The following WTAP variants were observed in gnomAD, a reference collection of about 807,000 sequenced individuals.
WTAP encodes pre-mRNA-splicing regulator WTAP.
A neutral mutation model predicts 50.0 loss-of-function variants in WTAP; 8 were observed. That is an observed-to-expected ratio of 0.16 (90% CI 0.09 to 0.29). The LOEUF is 0.29. WTAP is among the 10% of genes least tolerant of loss of function. WTAP has a pLI of 1.00. For synonymous variants in WTAP, 194 were observed against 169.0 expected (o/e 1.15, Z -1.15); for missense variants, 295 against 470.7 (o/e 0.63, Z 3.45).
Position 159,746,462 on chromosome 6 carries a change from A to T in WTAP, c.274-1729A>T, listed in dbSNP as rs142068671. On this transcript the variant is annotated intron_variant, in intron 5 of 7. Coordinates refer to ENST00000621533, the MANE Select transcript of WTAP (RefSeq NM_001270531.2). ...TAAGCTTAGAAAAAATAAAATATAC[A>T]TCCTTAGGAATCTATTTGTGTAGAT... Among the ~76,000 whole-genome samples, 179 of 152,272 alleles carry T rather than the reference A, an allele frequency of 1.2e-3. 2 individuals carry two copies. Among genetic ancestry groups the T allele is most frequent in the African/African-American group, 3.9e-3 (164 of 41,556 alleles).
chr6:159,753,346 C>A, intron 6 of WTAP, 114 bp from the exon 7 acceptor site: 2 of 1,390,882 alleles, frequency 1.4e-6, no homozygotes, highest in East Asian at 2.4e-5. Flanking sequence ...TATGGGGAAG[C>A]ATCTGCTGTG....
Position 159,727,604 on chromosome 6 carries a change from G to A in WTAP, c.-108G>A, listed in dbSNP as rs1778270873. 2.0e-6 allele frequency: 2 copies of A among 986,560 alleles called. No homozygotes were observed. The highest frequency in any genetic ancestry group is 9.1e-5 in the South Asian group (2 of 21,896). 61.1% of individuals were successfully genotyped at this position (986,560 alleles called of 1,614,324 possible). A position where few individuals can be genotyped will look rare whatever the true frequency, so the allele number is the denominator to read the frequency against. ...GCGCGGCGGGGCCGGCGGCAGAGCT[G>A]TCCGGCTGCGCGGTGGCCCGGGGGG... On this transcript the variant is annotated 5_prime_UTR_variant, in exon 1 of 8. Coordinates refer to ENST00000621533, the MANE Select transcript of WTAP (RefSeq NM_001270531.2).
upstream of WTAP, chr6:159,727,373 C>CTGGCAGGAGGCGGG: frequency 1.6e-6 from 1 of 623,036 alleles, no homozygotes; most frequent in Non-Finnish European, 2.1e-6. Context: ...AGCGGGGAGG[C>CTGGCAGGAGGCGGG]TGGCGGGAGG....
chr6:159,738,877 A>C, intron 2 of WTAP, 113 bp from the exon 3 acceptor site: 2 of 689,276 alleles, frequency 2.9e-6, no homozygotes, highest in Non-Finnish European at 4.6e-6. Flanking sequence ...AAAAAATCAT[A>C]ATATGTACTG....
chr6:159,748,132 C>T lies in WTAP; in HGVS notation c.274-59C>T. 2.6e-6 allele frequency: 4 copies of T among 1,532,346 alleles called. No homozygotes were observed. The highest frequency in any genetic ancestry group is 3.5e-6 in the Non-Finnish European group (4 of 1,131,366). 94.9% of individuals were successfully genotyped at this position (1,532,346 alleles called of 1,614,324 possible). ...TCAAGTGAATGGAGGGAGTTTTCCCCACCTTCTTATGTATGTTTCCTTTGA... is the reference window on the plus strand; with the variant it reads ...TCAAGTGAATGGAGGGAGTTTTCCCTACCTTCTTATGTATGTTTCCTTTGA... On this transcript the variant is annotated intron_variant, in intron 5 of 7. Transcript: ENST00000621533. The surrounding 1 kb of genome is among the most constrained non-coding windows in gnomAD (Gnocchi z 5.6).
At chr6:159,732,886 A>AGAGTGTGTGT (rs1554263289) in intron 1 of WTAP, among the ~76,000 whole-genome samples, 4 of 146,380 alleles carry the variant, frequency 2.7e-5, no homozygotes, top group African/African-American at 1.0e-4. Context: ...ATATATATAT[A>AGAGTGTGTGT]GTGTGTGTGT....
upstream of WTAP, chr6:159,727,476 G>GGGCGGGGCCGGGC (rs1257055480): frequency 1.7e-5 from 17 of 993,520 alleles, no homozygotes; most frequent in South Asian, 4.3e-5. Context: ...CCGTGCGGCG[G>GGGCGGGGCCGGGC]GGCGGGGCCG....
At chr6:159,727,780 CG>C (rs1778290216) in intron 1 of WTAP, 77 bp downstream of exon 1, 1 of 960,994 alleles carries the variant, frequency 1.0e-6, no homozygotes, top group Non-Finnish European at 1.2e-6. Context: ...CCGCCCCCGG[CG>C]GGTAAGGGGC....
chr6:159,745,765 G>A (rs760739099), intron 5 of WTAP, among the ~76,000 whole-genome samples: 2 of 152,106 alleles, frequency 1.3e-5, no homozygotes, highest in African/African-American at 2.4e-5. Context: ...GATTTGAGAG[G>A]AACAGGACTT....
chr6:159,727,354 A>G, upstream of WTAP: 1 of 945,192 alleles, frequency 1.1e-6, no homozygotes, highest in Non-Finnish European at 1.3e-6. Context: ...CAGAAGGCGA[A>G]CATGGCGGAG....
chr6:159,751,482 C>T (rs1310455730), intron 6 of WTAP, among the ~76,000 whole-genome samples: 1 of 152,210 alleles, frequency 6.6e-6, no homozygotes, highest in African/African-American at 2.4e-5. Context: ...TTTTGACAAT[C>T]TTGCATATCT....
At chr6:159,753,065 G>A (rs1779878814) in intron 6 of WTAP, among the ~76,000 whole-genome samples, 1 of 152,208 alleles carries the variant, frequency 6.6e-6, no homozygotes, top group African/African-American at 2.4e-5. Context: ...GATGTTGCAT[G>A]TACCTTTTCA....
At chr6:159,742,778 A>T (rs568318346) in intron 4 of WTAP, among the ~76,000 whole-genome samples, 22 of 152,258 alleles carry the variant, frequency 1.4e-4, no homozygotes, top group African/African-American at 3.4e-4. Context: ...GTTTAAGGCT[A>T]GGCACAGTGG....
rs149108088 is a variant in WTAP at position 159,729,784 on chromosome 6, C to T, written c.-9+2081C>T. On this transcript the variant is annotated intron_variant, in intron 1 of 7. Coordinates refer to ENST00000621533, the MANE Select transcript of WTAP (RefSeq NM_001270531.2). ...ACAGTGTCTGCAGATTGGTGTCTTA[C>T]ATTCAGCTATGATTTGTTCGCCAAG... Among the ~76,000 whole-genome samples, 41 of 152,294 alleles carry T rather than the reference C, an allele frequency of 2.7e-4. No individual in the cohort carries two copies. In the East Asian group the frequency reaches 7.5e-3, roughly 28 times the overall value.
intron 6 of WTAP, among the ~76,000 whole-genome samples, chr6:159,752,518 C>G (rs1779858438): frequency 6.6e-6 from 1 of 152,132 alleles, no homozygotes; most frequent in Non-Finnish European, 1.5e-5. Context: ...GTATGTTGCA[C>G]TAGCATTTGG....
At chr6:159,745,375 CTT>C (rs1331627945) in intron 5 of WTAP, among the ~76,000 whole-genome samples, 21 of 152,096 alleles carry the variant, frequency 1.4e-4, no homozygotes, top group African/African-American at 5.1e-4. Flanking sequence ...CCTCATCACT[CTT>C]GTCTCCTCGA....
intron 2 of WTAP, chr6:159,736,560 T>C (rs1778930476): frequency 3.1e-6 from 1 of 318,870 alleles, no homozygotes; most frequent in Non-Finnish European, 5.7e-6. Context: ...ATGTTCATTA[T>C]GTGAATATTT....
At chr6:159,741,678 T>C (rs1390132442) in intron 3 of WTAP, 1 of 162,892 alleles carries the variant, frequency 6.1e-6, no homozygotes, top group African/African-American at 2.4e-5. Context: ...AATGAGGGAC[T>C]ATTTTATGAT....
chr6:159,749,436 T>G (rs1779743164), intron 6 of WTAP: 1 of 985,166 alleles, frequency 1.0e-6, no homozygotes, highest in South Asian at 4.7e-5. Flanking sequence ...GTTTTTTTTT[T>G]TTTTTAAGTT....
Sources: gnomAD v4.1 joint callset for allele counts (sites outside exome capture counted in the v4.1 genomes callset) on GRCh38, gnomAD v4.1.1 for gene constraint, Gnocchi (gnomAD v3.1) non-coding constraint, MANE v1.5 for transcripts, NCBI Gene and HGNC (gene_info 2026-07-23, HGNC 2026-07-21) for gene names.